HORMAD2: variants seen among roughly 807,000 people sequenced by gnomAD.
The protein encoded by HORMAD2 is HORMA domain-containing protein 2.
In HORMAD2, 45 loss-of-function variants were observed where a neutral mutation model predicts 38.8. The ratio of observed to expected loss-of-function variants is 1.16; its 90% CI spans 0.91 to 1.49. The LOEUF (loss-of-function observed/expected upper bound fraction) is 1.49, where lower values mean the gene tolerates loss of function less well. Ranked by LOEUF, HORMAD2 falls within the 40% of genes most tolerant of loss-of-function variation. The pLI, the probability that HORMAD2 is intolerant of heterozygous loss-of-function variation, is 0.00. For synonymous variants in HORMAD2, 126 were observed against 122.8 expected (o/e 1.03, Z -0.17); for missense variants, 338 against 367.0 (o/e 0.92, Z 0.65).
chr22:30,143,950 A>G (rs2146186756), intron 10 of HORMAD2, among the ~76,000 whole-genome samples: 1 of 152,268 alleles, frequency 6.6e-6, no homozygotes, highest in Non-Finnish European at 1.5e-5. Context: ...GCCTTCTGCC[A>G]TGATTGTAAA....
intron 1 of HORMAD2, among the ~76,000 whole-genome samples, chr22:30,091,266 C>CT (rs67947501): frequency 0.014 from 1,549 of 114,008 alleles, 20 homozygotes; most frequent in East Asian, 0.026. Context: ...CTCTTTCTTT[C>CT]TTTTTTTTTT....
At chr22:30,148,213 C>A (rs759806680) in intron 10 of HORMAD2, among the ~76,000 whole-genome samples, 19 of 151,468 alleles carry the variant, frequency 1.3e-4, no homozygotes, top group African/African-American at 1.7e-4. Flanking sequence ...ATTTAAAAGT[C>A]AAAAAATTCA....
chr22:30,103,877 GTC>G (rs1321182713), intron 4 of HORMAD2, among the ~76,000 whole-genome samples: 4 of 151,294 alleles, frequency 2.6e-5, no homozygotes, highest in Admixed American at 1.3e-4. Context: ...GGCCAGGATG[GTC>G]TCGATCTCTT....
chr22:30,192,513 T>G, the HORMAD2 span, among the ~76,000 whole-genome samples: 5 of 152,092 alleles, frequency 3.3e-5, no homozygotes, highest in Non-Finnish European at 7.4e-5. Context: ...TGGAAAAGTT[T>G]CAGAACAAAT....
downstream of HORMAD2, among the ~76,000 whole-genome samples, chr22:30,180,035 C>T (rs1174990253): frequency 2.0e-5 from 3 of 152,004 alleles, no homozygotes; most frequent in East Asian, 5.8e-4. Context: ...ACTACAGGTA[C>T]ATGCCACCAT....
chr22:30,081,382 G>A (rs1229312246), intron 1 of HORMAD2: 1 of 152,178 alleles, frequency 6.6e-6, no homozygotes, highest in Admixed American at 6.5e-5. Flanking sequence ...AAAGTCAAAA[G>A]AGCATGAACA....
the HORMAD2 span, among the ~76,000 whole-genome samples, chr22:30,202,442 T>TA: frequency 0.049 from 6,947 of 142,330 alleles, 524 homozygotes; most frequent in African/African-American, 0.17. Context: ...GGAATGGATT[T>TA]AAAAAAAAAA....
chr22:30,197,663 T>G, the HORMAD2 span, among the ~76,000 whole-genome samples: 140,392 of 152,256 alleles, frequency 0.92, 64,798 homozygotes, highest in East Asian at 1. Flanking sequence ...GGACAACAAC[T>G]AGGGAAATGA....
chr22:30,180,951 CCTCT>C (rs1926683960), downstream of HORMAD2, among the ~76,000 whole-genome samples: 1 of 116,802 alleles, frequency 8.6e-6, no homozygotes, highest in African/African-American at 3.3e-5. Context: ...CCTCTCCTCT[CCTCT>C]CCTCTCCTCT....
At chr22:30,086,723 T>C (rs939710953) in intron 1 of HORMAD2, among the ~76,000 whole-genome samples, 6 of 152,180 alleles carry the variant, frequency 3.9e-5, no homozygotes, top group Non-Finnish European at 7.3e-5. Context: ...AAGATGAGAC[T>C]GGTTGATTTA....
At chr22:30,162,900 C>G (rs1223339261) in intron 10 of HORMAD2, among the ~76,000 whole-genome samples, 3 of 151,996 alleles carry the variant, frequency 2.0e-5, no homozygotes, top group Non-Finnish European at 2.9e-5. Context: ...CAGGGTTTTA[C>G]CTTGTTGGCC....
At chr22:30,131,844 TA>T (rs1263224042) in intron 10 of HORMAD2, among the ~76,000 whole-genome samples, 1 of 152,210 alleles carries the variant, frequency 6.6e-6, no homozygotes, top group African/African-American at 2.4e-5. Flanking sequence ...ATTATAACAA[TA>T]TGTAGTTTAC....
chr22:30,185,878 A>T, the HORMAD2 span, among the ~76,000 whole-genome samples: 198 of 152,138 alleles, frequency 1.3e-3, no homozygotes, highest in African/African-American at 4.4e-3. Flanking sequence ...AAAAAAATAA[A>T]AAGAGCTTTC....
At chr22:30,117,462 A>G (rs938524572) in intron 7 of HORMAD2, among the ~76,000 whole-genome samples, 12 of 146,784 alleles carry the variant, frequency 8.2e-5, no homozygotes, top group African/African-American at 2.3e-4. Flanking sequence ...TAGTTATTTT[A>G]TTTATTTATT....
At chr22:30,162,012 C>T (rs2146216519) in intron 10 of HORMAD2, among the ~76,000 whole-genome samples, 1 of 152,182 alleles carries the variant, frequency 6.6e-6, no homozygotes, top group African/African-American at 2.4e-5. Context: ...TTTTCCTTTG[C>T]ATTTAAAATA....
chr22:30,129,763 G>C (rs925650464), intron 10 of HORMAD2, among the ~76,000 whole-genome samples: 1 of 151,854 alleles, frequency 6.6e-6, no homozygotes, highest in African/African-American at 2.4e-5. Context: ...TCCCACTTCA[G>C]CCTTCCATGT....
At chr22:30,160,252 T>G (rs915475387) in intron 10 of HORMAD2, among the ~76,000 whole-genome samples, 1 of 151,744 alleles carries the variant, frequency 6.6e-6, no homozygotes, top group Non-Finnish European at 1.5e-5. Flanking sequence ...CCTCCTCTTT[T>G]ACCTTTCCAT....
intron 10 of HORMAD2, among the ~76,000 whole-genome samples, chr22:30,132,132 G>C (rs1351974249): frequency 2.0e-5 from 3 of 152,154 alleles, no homozygotes; most frequent in African/African-American, 7.2e-5. Flanking sequence ...GGTATAGTCT[G>C]ATGATTTTCA....
rs201591892 is a variant in HORMAD2, at chr22:30,094,987, A to T, written c.51+984A>T. ...GACCCTTAATTTTGGGGATCTGTTTATACCTTCCATCTGTGCCTGTTTATT... is the reference window on the plus strand; with the variant it reads ...GACCCTTAATTTTGGGGATCTGTTTTTACCTTCCATCTGTGCCTGTTTATT... On this transcript the variant is annotated intron_variant, in intron 2 of 10. Transcript: ENST00000336726. 2.6e-5 allele frequency among the ~76,000 whole-genome samples: 4 copies of T among 152,110 alleles called. No individual in the cohort carries two copies. The East Asian group carries it at 7.7e-4, about 29-fold the overall frequency.
Sources: gnomAD v4.1 joint callset for allele counts (sites outside exome capture counted in the v4.1 genomes callset) on GRCh38, gnomAD v4.1.1 for gene constraint, MANE v1.5 for transcripts, NCBI Gene and HGNC (gene_info 2026-07-23, HGNC 2026-07-21) for gene names.